The following NELL1 variants were observed in gnomAD, a reference collection of about 807,000 sequenced individuals.
NELL1 encodes the protein protein kinase C-binding protein NELL1.
Under a neutral mutation model 107.4 loss-of-function variants are expected in NELL1, and 76 were observed. The observed-to-expected ratio is 0.71, with a 90% CI of 0.59 to 0.86. The LOEUF is 0.86. Ranked by LOEUF, NELL1 falls within the 40% of genes least tolerant of loss-of-function variation. NELL1 has a pLI of 0.00. For synonymous variants in NELL1, 353 were observed against 341.2 expected (o/e 1.03, Z -0.38); for missense variants, 1,024 against 1,005.5 (o/e 1.02, Z -0.25).
chr11:21,574,705 C>A (rs543624251), intron 19 of NELL1, among the ~76,000 whole-genome samples: 1 of 151,892 alleles, frequency 6.6e-6, no homozygotes, highest in South Asian at 2.1e-4. Flanking sequence ...CCAGGGAGGC[C>A]TCCCAAGCAG....
At chr11:21,487,946 C>A (rs969106419) in intron 15 of NELL1, among the ~76,000 whole-genome samples, 1 of 152,092 alleles carries the variant, frequency 6.6e-6, no homozygotes, top group African/African-American at 2.4e-5. Context: ...AATATCATTA[C>A]ATAATGATAA....
chr11:21,452,325 T>A (rs1341912430), intron 15 of NELL1, among the ~76,000 whole-genome samples: 1 of 152,144 alleles, frequency 6.6e-6, no homozygotes, highest in Non-Finnish European at 1.5e-5. Context: ...TTTGCCCAGG[T>A]GTTTTGGTTG....
chr11:21,057,633 G>A (rs1455084547), intron 12 of NELL1, among the ~76,000 whole-genome samples: 2 of 151,756 alleles, frequency 1.3e-5, no homozygotes, highest in African/African-American at 2.4e-5. Flanking sequence ...TAGAAAATAT[G>A]CAATGAAAAG....
chr11:21,401,790 A>G (rs1046613023), intron 15 of NELL1, among the ~76,000 whole-genome samples: 1 of 151,750 alleles, frequency 6.6e-6, no homozygotes, highest in African/African-American at 2.4e-5. Context: ...CTGGATATGA[A>G]TCCTGTCTCT....
At position 20,885,496 on chromosome 11, in the gene NELL1, A is replaced by C. The variant is rs1849490313; in HGVS notation, c.559A>C (p.Asn187His). ...PPDTNLPPGINLWLGQRNQKH... is the reference protein window; with the variant it reads ...PPDTNLPPGIHLWLGQRNQKH... ...AGATACCAACCTTCCCCCAGGAATC[A>C]ATTTATGGCTTGGCCAGCGCAACCA... The change falls in exon 5 of 20, where the codon AAT (asparagine) becomes CAT (histidine). Residue 187 changes from asparagine to histidine, a missense_variant. Coordinates refer to ENST00000357134, the MANE Select transcript of NELL1 (RefSeq NM_006157.5). 3 of 1,613,766 alleles carry C rather than the reference A, an allele frequency of 1.9e-6. No homozygotes were observed. Among genetic ancestry groups the C allele is most frequent in the Non-Finnish European group, 2.5e-6 (3 of 1,179,682 alleles).
intron 12 of NELL1, among the ~76,000 whole-genome samples, chr11:21,089,193 G>T (rs541473951): frequency 1.3e-5 from 2 of 152,170 alleles, no homozygotes; most frequent in Admixed American, 6.5e-5. Flanking sequence ...TGAGCCAATA[G>T]AGGAATCAGA....
At chr11:20,750,707 C>T (rs754727753) in intron 2 of NELL1, among the ~76,000 whole-genome samples, 7 of 152,070 alleles carry the variant, frequency 4.6e-5, no homozygotes, top group Non-Finnish European at 1.0e-4. Context: ...CCGTCTCAAC[C>T]TCCCCAGTAG....
intron 13 of NELL1, among the ~76,000 whole-genome samples, chr11:21,149,867 A>G (rs1263616404): frequency 1.3e-5 from 2 of 152,254 alleles, no homozygotes. Context: ...AACCATAATA[A>G]TTTAAAAAGT....
At chr11:21,447,007 T>C (rs1049272507) in intron 15 of NELL1, among the ~76,000 whole-genome samples, 5 of 152,174 alleles carry the variant, frequency 3.3e-5, no homozygotes, top group Admixed American at 3.3e-4. Flanking sequence ...TTCCTATTCT[T>C]TCCTCCTGTT....
chr11:21,417,775 T>G (rs1852553375), intron 15 of NELL1, among the ~76,000 whole-genome samples: 1 of 152,104 alleles, frequency 6.6e-6, no homozygotes, highest in Admixed American at 6.6e-5. Flanking sequence ...GGCCTCCCTA[T>G]GAGTCCCACT....
At chr11:20,940,661 C>G (rs1850832381) in intron 10 of NELL1, among the ~76,000 whole-genome samples, 1 of 152,170 alleles carries the variant, frequency 6.6e-6, no homozygotes, top group Non-Finnish European at 1.5e-5. Flanking sequence ...TTCTTATAAA[C>G]TGGTCTCCGA....
At chr11:21,430,582 C>T (rs1852940875) in intron 15 of NELL1, among the ~76,000 whole-genome samples, 1 of 151,942 alleles carries the variant, frequency 6.6e-6, no homozygotes, top group Non-Finnish European at 1.5e-5. Context: ...GCTCTTGTAC[C>T]ACCTCAGATA....
chr11:20,759,738 AT>A (rs2133955930), intron 2 of NELL1, among the ~76,000 whole-genome samples: 1 of 152,278 alleles, frequency 6.6e-6, no homozygotes, highest in South Asian at 2.1e-4. Context: ...GCTGCGCCTG[AT>A]TGGCCTCCAG....
intron 12 of NELL1, among the ~76,000 whole-genome samples, chr11:21,101,189 T>A (rs553647030): frequency 2.6e-5 from 4 of 152,326 alleles, no homozygotes; most frequent in African/African-American, 9.6e-5. Context: ...TATGGCTGCA[T>A]AGTATTCCAT....
intron 12 of NELL1, among the ~76,000 whole-genome samples, chr11:21,074,064 G>A (rs1281350334): frequency 1.3e-5 from 2 of 152,142 alleles, no homozygotes; most frequent in South Asian, 2.1e-4. Flanking sequence ...AAAAGTCAGA[G>A]TCTTTAAGCC....
intron 15 of NELL1, among the ~76,000 whole-genome samples, chr11:21,501,973 T>C (rs926977936): frequency 4.6e-5 from 7 of 152,216 alleles, no homozygotes; most frequent in Non-Finnish European, 1.0e-4. Context: ...TCTCTGTCTT[T>C]GGCAAGTAGT....
chr11:21,105,535 A>G (rs1854931787), intron 12 of NELL1, among the ~76,000 whole-genome samples: 2 of 152,104 alleles, frequency 1.3e-5, no homozygotes, highest in Admixed American at 1.3e-4. Context: ...TGGAGCCACC[A>G]TGTTGGACAT....
intron 3 of NELL1, among the ~76,000 whole-genome samples, chr11:20,820,826 G>C (rs967933243): frequency 1.3e-5 from 2 of 152,064 alleles, no homozygotes; most frequent in African/African-American, 4.8e-5. Context: ...TGTCTCTAGC[G>C]TAGCCCCTTC....
chr11:21,031,695 T>G (rs4922729), intron 12 of NELL1, among the ~76,000 whole-genome samples: 19,598 of 152,214 alleles, frequency 0.13, 1,469 homozygotes, highest in South Asian at 0.2. Context: ...AAGTGGGGCA[T>G]ATTACTTTTT....
Sources: allele counts gnomAD v4.1 joint callset (sites outside exome capture counted in the v4.1 genomes callset), GRCh38; gene constraint gnomAD v4.1.1; transcripts MANE v1.5; gene names NCBI Gene and HGNC (gene_info 2026-07-23, HGNC 2026-07-21).